FARP1: variants seen among roughly 807,000 people sequenced by gnomAD.
The protein encoded by FARP1 is FERM, ARH/RhoGEF and pleckstrin domain protein 1.
A neutral mutation model predicts 128.8 loss-of-function variants in FARP1; 52 were observed. The observed-to-expected ratio is 0.40, with a 90% CI of 0.32 to 0.51. FARP1 has a LOEUF of 0.51. FARP1 is among the 20% of genes least tolerant of loss of function. The pLI is 0.45. For synonymous variants in FARP1, 580 were observed against 551.8 expected (o/e 1.05, Z -0.72); for missense variants, 1,333 against 1,367.9 (o/e 0.97, Z 0.40).
At chr13:98,372,992 C>A (rs943719546) in intron 5 of FARP1, among the ~76,000 whole-genome samples, 1 of 152,204 alleles carries the variant, frequency 6.6e-6, no homozygotes, top group African/African-American at 2.4e-5. Context: ...CCAGCATGCT[C>A]AGCTTACAGC....
chr13:98,335,188 A>G (rs1887689955), intron 2 of FARP1, among the ~76,000 whole-genome samples: 1 of 152,192 alleles, frequency 6.6e-6, no homozygotes, highest in Non-Finnish European at 1.5e-5. Context: ...TTAGCTGGTT[A>G]TTTTTGTACA....
intron 1 of FARP1, among the ~76,000 whole-genome samples, chr13:98,198,482 G>A (rs1436613401): frequency 1.3e-5 from 2 of 152,048 alleles, no homozygotes; most frequent in African/African-American, 2.4e-5. Context: ...CTGTAATCCC[G>A]GTACTTTGGG....
chr13:98,313,242 TACACACACACAC>T (rs71111943), intron 2 of FARP1, among the ~76,000 whole-genome samples: 15 of 120,020 alleles, frequency 1.2e-4, no homozygotes, highest in East Asian at 2.7e-4. Context: ...TGGGTCATAA[TACACACACACAC>T]ACACACACAC....
Position 98,440,719 on chromosome 13 carries a change from G to C in FARP1, c.2679G>C (p.Leu893=), listed in dbSNP as rs1471009424. The C allele has an allele frequency of 6.2e-7, 1 of 1,613,524 alleles. No homozygotes were observed. The highest frequency in any genetic ancestry group is 1.7e-5 in the Admixed American group (1 of 60,016). The part of the protein sequence containing the change: ...TAADQESEDD[L]SASRTSLERQ... ...CTGACCAGGAGTCAGAGGATGACCT[G>C]AGCGCCTCGCGCACATCGCTGGAGC... Residue 893 remains leucine (L), a synonymous_variant, in exon 24 of 27, where the codon CTG becomes CTC. Transcript: ENST00000319562.
At chr13:98,437,271 G>A (rs1251320419) in intron 19 of FARP1, among the ~76,000 whole-genome samples, 1 of 152,110 alleles carries the variant, frequency 6.6e-6, no homozygotes, top group Non-Finnish European at 1.5e-5. Flanking sequence ...TTGCCCCTCA[G>A]TCTCCTTATC....
intron 2 of FARP1, among the ~76,000 whole-genome samples, chr13:98,250,790 T>C (rs1294655623): frequency 6.6e-6 from 1 of 152,160 alleles, no homozygotes; most frequent in African/African-American, 2.4e-5. Flanking sequence ...TCTGAAGACT[T>C]TTAACCCCCA....
chr13:98,254,562 G>A (rs944096), intron 2 of FARP1, among the ~76,000 whole-genome samples: 2 of 152,220 alleles, frequency 1.3e-5, no homozygotes, highest in African/African-American at 2.4e-5. Context: ...CTGATGAGAA[G>A]TGTATCCTTC....
chr13:98,216,943 T>C (rs1881096786), intron 2 of FARP1, among the ~76,000 whole-genome samples: 1 of 152,224 alleles, frequency 6.6e-6, no homozygotes, highest in African/African-American at 2.4e-5. Flanking sequence ...GTTTATGATA[T>C]ATGCAGCTTT....
intron 1 of FARP1, among the ~76,000 whole-genome samples, chr13:98,149,759 A>C (rs1233635677): frequency 4.4e-5 from 3 of 68,170 alleles, no homozygotes; most frequent in Admixed American, 2.4e-4. Context: ...TTTTTTTGAG[A>C]CGGAGTCTTA....
At chr13:98,391,609 T>A (rs1890308501) in intron 11 of FARP1, among the ~76,000 whole-genome samples, 1 of 152,236 alleles carries the variant, frequency 6.6e-6, no homozygotes, top group South Asian at 2.1e-4. Flanking sequence ...GTTGGTGTTA[T>A]CAAACACTTG....
At chr13:98,311,894 A>C (rs1272625879) in intron 2 of FARP1, among the ~76,000 whole-genome samples, 1 of 148,898 alleles carries the variant, frequency 6.7e-6, no homozygotes, top group African/African-American at 2.5e-5. Context: ...CCCAGGCTGG[A>C]GTATAGTGGC....
chr13:98,346,467 G>A (rs1018633984), intron 3 of FARP1, among the ~76,000 whole-genome samples: 3 of 151,892 alleles, frequency 2.0e-5, no homozygotes, highest in Middle Eastern at 3.4e-3. Flanking sequence ...TTTTGAGGCC[G>A]GGTGTGGTGG....
At chr13:98,151,845 A>T (rs1021790925) in intron 1 of FARP1, among the ~76,000 whole-genome samples, 3 of 151,508 alleles carry the variant, frequency 2.0e-5, no homozygotes, top group Admixed American at 1.3e-4. Flanking sequence ...TATTTTTAGT[A>T]GAGAGGGGGT....
intron 2 of FARP1, among the ~76,000 whole-genome samples, chr13:98,220,603 A>G (rs1881359141): frequency 1.3e-5 from 2 of 152,210 alleles, no homozygotes; most frequent in Non-Finnish European, 2.9e-5. Flanking sequence ...GTCTGAGTGT[A>G]GCCCCATGAG....
At chr13:98,273,368 CTGTTTTGCGAATCTTA>C (rs758858944) in intron 2 of FARP1, among the ~76,000 whole-genome samples, 2 of 152,148 alleles carry the variant, frequency 1.3e-5, no homozygotes, top group Non-Finnish European at 2.9e-5. Context: ...CACAAAGAGT[CTGTTTTGCGAATCTTA>C]TGATCTCTAG....
chr13:98,147,139 G>A (rs192627495), intron 1 of FARP1, among the ~76,000 whole-genome samples: 1 of 152,340 alleles, frequency 6.6e-6, no homozygotes, highest in Admixed American at 6.5e-5. Context: ...TTTATAGGAT[G>A]CCCTTGCCCT....
intron 6 of FARP1, among the ~76,000 whole-genome samples, chr13:98,378,805 T>C (rs538599654): frequency 1.9e-3 from 281 of 148,886 alleles, no homozygotes; most frequent in African/African-American, 6.6e-3. Flanking sequence ...ATTAGATAGA[T>C]GTTTTCTTAC....
At chr13:98,244,402 C>A in intron 2 of FARP1, 3 of 1,188,314 alleles carry the variant, frequency 2.5e-6, no homozygotes, top group Non-Finnish European at 3.5e-6. Flanking sequence ...CAAAACTTTG[C>A]TGTGTCTCTT....
At chr13:98,369,660 C>T (rs546985066) in intron 5 of FARP1, among the ~76,000 whole-genome samples, 1 of 152,188 alleles carries the variant, frequency 6.6e-6, no homozygotes, top group Non-Finnish European at 1.5e-5. Flanking sequence ...ATGATGATTT[C>T]CAGTTTCATC....
Sources: gnomAD v4.1 joint callset for allele counts (sites outside exome capture counted in the v4.1 genomes callset) on GRCh38, gnomAD v4.1.1 for gene constraint, MANE v1.5 for transcripts, NCBI Gene and HGNC (gene_info 2026-07-23, HGNC 2026-07-21) for gene names.